LILRB3: variants seen among roughly 807,000 people sequenced by gnomAD.
LILRB3 encodes the protein leukocyte immunoglobulin-like receptor subfamily B member 3.
A neutral mutation model predicts 68.2 loss-of-function variants in LILRB3; 32 were observed. The observed-to-expected ratio is 0.47, with a 90% confidence interval of 0.35 to 0.63. LILRB3 has a LOEUF of 0.63. LILRB3 is among the 30% of genes least tolerant of loss of function. The pLI is 0.00. For missense variants in LILRB3, 502 were observed against 791.3 expected (o/e 0.63, Z 4.39); for synonymous variants, 185 against 323.1 (o/e 0.57, Z 4.58).
chr19:54,218,877 T>G (rs1341556056), intron 8 of LILRB3, 39 bp from the exon 9 acceptor site: 1 of 1,613,718 alleles, frequency 6.2e-7, no homozygotes, highest in Non-Finnish European at 8.5e-7. Flanking sequence ...CTGGGAACAT[T>G]AGAACTCCCA....
intron 7 of LILRB3, chr19:54,219,850 C>T (rs879452023): frequency 1.1e-5 from 17 of 1,547,256 alleles, no homozygotes; most frequent in Non-Finnish European, 1.4e-5. Context: ...CCATCTCCCA[C>T]TCAGAGCCCC....
chr19:54,219,759 G>T, intron 7 of LILRB3: 2 of 1,475,164 alleles, frequency 1.4e-6, no homozygotes, highest in Non-Finnish European at 1.8e-6. Flanking sequence ...GCCCAGGCAG[G>T]GGAGGGGCCT....
chr19:54,218,810 A>G (rs765301635), exon 9 of LILRB3: 13 of 1,614,008 alleles, frequency 8.1e-6, no homozygotes, highest in African/African-American at 5.3e-5. Context: ...CAGCCCCTGC[A>G]GGACGCTGGA....
intron 11 of LILRB3, chr19:54,217,707 C>T (rs971508578): frequency 2.1e-5 from 16 of 774,962 alleles, no homozygotes; most frequent in Non-Finnish European, 2.9e-5. Flanking sequence ...TGCAAGAGCT[C>T]GCTGCTGCCT....
chr19:54,216,927 T>C, exon 13 of LILRB3: 1 of 1,457,420 alleles, frequency 6.9e-7, no homozygotes, highest in Non-Finnish European at 9.1e-7. Context: ...ACGATATTAG[T>C]CATCTTTGAG....
At position 54,222,471 on chromosome 19, in the gene LILRB3, C is replaced by T; in HGVS notation, c.162G>A (p.Glu54=). Residue 54 remains glutamate, a synonymous_variant, in exon 3 of 13, where the codon GAG becomes GAA. Coordinates refer to ENST00000445347, the Ensembl canonical transcript of LILRB3. ...CTTTATCCAGTTGGTACTCCTGGGC[C>T]TCCAGGCTCCCCTGACACCAGATGG... 3 of 1,606,152 alleles carry T rather than the reference C, an allele frequency of 1.9e-6. No individual in the cohort carries two copies. In the South Asian group the frequency reaches 3.3e-5, roughly 18 times the overall value.
At chr19:54,219,310 G>C (rs913555429) in intron 7 of LILRB3, 65 bp from the exon 8 acceptor site, 2 of 1,506,550 alleles carry the variant, frequency 1.3e-6, no homozygotes, top group Non-Finnish European at 1.8e-6. Context: ...GTGTGCAGGC[G>C]CGAGCCAGGT....
At position 54,218,731 on chromosome 19, in the gene LILRB3, G is replaced by A. The variant is rs759487926; in HGVS notation, c.1502+32C>T. On this transcript the variant is annotated intron_variant, in intron 9 of 12. Coordinates refer to ENST00000445347, the Ensembl canonical transcript of LILRB3. ...AGGGGCAGTGTATGGGCTGTGGTGG[G>A]TGGGAGTCTGTGGTCTTTGGGGCAG... is the stretch of plus-strand genomic sequence containing the variant. The A allele has an allele frequency of 1.1e-5, 17 of 1,614,030 alleles. No individual in the cohort carries two copies. The South Asian group carries it at 1.8e-4, about 17-fold the overall frequency.
chr19:54,216,896 T>C (rs2077514956), exon 13 of LILRB3: 2 of 1,438,534 alleles, frequency 1.4e-6, no homozygotes, highest in Admixed American at 2.9e-5. Flanking sequence ...GAGAAGTCTG[T>C]TGCTTTATTT....
chr19:54,217,094 T>A (rs1252264486), exon 13 of LILRB3: 2 of 1,614,132 alleles, frequency 1.2e-6, no homozygotes, highest in South Asian at 1.1e-5. Context: ...CCCCCCGGGC[T>A]AGTGGATGGC....
At chr19:54,219,454 C>G in intron 7 of LILRB3, 2 of 1,536,004 alleles carry the variant, frequency 1.3e-6, no homozygotes, top group Non-Finnish European at 1.8e-6. Context: ...AGCGAGGAAG[C>G]GGCAGAGCTG....
chr19:54,217,107 G>A, exon 13 of LILRB3: 1 of 1,614,188 alleles, frequency 6.2e-7, no homozygotes, highest in South Asian at 1.1e-5. Flanking sequence ...TGGATGGCCA[G>A]AGTGGCGTAG....
rs1052995 is a variant in LILRB3, at chr19:54,220,587, C to A, written c.1199G>T (p.Arg400Leu). 11,687 of 1,348,108 alleles carry A rather than the reference C, an allele frequency of 8.7e-3. 385 individuals carry two copies. In the African/African-American group the frequency reaches 0.17, roughly 20 times the overall value. The allele number at this position is 1,348,108 out of a possible 1,614,324, so 83.5% of individuals were successfully genotyped here. A position where few individuals can be genotyped will look rare whatever the true frequency, so the allele number is the denominator to read the frequency against. ...AGACAGCAGGTGGGGGTTGGAGCTGCGTGAGCCGTAGCACCTGTAGGTCCC... is the reference window on the plus strand; with the variant it reads ...AGACAGCAGGTGGGGGTTGGAGCTGAGTGAGCCGTAGCACCTGTAGGTCCC... The change falls in exon 6 of 13, where the codon CGC becomes CTC. Residue 400 changes from arginine (R) to leucine (L), a missense_variant. Physicochemically the swap from Arg to Leu is moderately radical, Grantham distance 102 (BLOSUM62 -2). This residue lies in a region of LILRB3 where 23 missense variants were observed against 59.2 expected (regional missense o/e 0.39). Coordinates refer to ENST00000445347, the Ensembl canonical transcript of LILRB3.
chr19:54,217,906 C>G (rs1274759049), intron 11 of LILRB3, among the ~76,000 whole-genome samples: 2 of 151,924 alleles, frequency 1.3e-5, no homozygotes, highest in African/African-American at 2.4e-5. Flanking sequence ...ACGTTGCACT[C>G]CTGGACACGA....
chr19:54,219,062 G>T (rs977736828), intron 8 of LILRB3, 67 bp downstream of exon 8: 3 of 1,539,872 alleles, frequency 1.9e-6, no homozygotes, highest in African/African-American at 2.8e-5. Context: ...GTGTGTTTGG[G>T]TTCCCTCTGG....
At chr19:54,217,268 A>G in intron 12 of LILRB3, 29 bp from the exon 13 acceptor site, 1 of 1,595,698 alleles carries the variant, frequency 6.3e-7, no homozygotes, top group Non-Finnish European at 8.5e-7. Context: ...AGAGGTAAGG[A>G]ACGTGGTGGG....
At chr19:54,222,867 T>C in intron 1 of LILRB3, 76 bp downstream of exon 1, 1 of 1,612,588 alleles carries the variant, frequency 6.2e-7, no homozygotes, top group Non-Finnish European at 8.5e-7. Context: ...TGAGGTCTCC[T>C]GATGGACCAG....
intron 7 of LILRB3, chr19:54,219,822 G>T (rs1211364103): frequency 6.5e-7 from 1 of 1,527,628 alleles, no homozygotes; most frequent in Non-Finnish European, 8.9e-7. Context: ...ACCCACCCCT[G>T]CCTCCCCTGG....
intron 7 of LILRB3, chr19:54,219,633 G>T (rs1055067432): frequency 2.6e-5 from 39 of 1,494,996 alleles, no homozygotes; most frequent in Non-Finnish European, 3.5e-5. Context: ...CTGTGGAATC[G>T]GGTCTGGGAG....
Sources: gnomAD v4.1 joint callset for allele counts (sites outside exome capture counted in the v4.1 genomes callset) on GRCh38, gnomAD v4.1.1 for gene constraint, gnomAD v4.1.1 regional missense constraint, MANE v1.5 for transcripts, NCBI Gene and HGNC (gene_info 2026-07-23, HGNC 2026-07-21) for gene names.